The following RNF212B variants were observed in gnomAD, a reference collection of about 807,000 sequenced individuals.
The protein encoded by RNF212B is E3 ubiquitin-protein ligase RNF212B.
A neutral mutation model predicts 55.5 loss-of-function variants in RNF212B; 52 were observed. The observed-to-expected ratio is 0.94, with a 90% CI of 0.75 to 1.18. The LOEUF (loss-of-function observed/expected upper bound fraction) is 1.18, where lower values mean the gene tolerates loss of function less well. Among genes scored for constraint, RNF212B ranks in the 50% most tolerant of loss-of-function variants. RNF212B has a pLI of 0.00. For missense variants in RNF212B, 289 were observed against 350.4 expected (o/e 0.82, Z 1.40); for synonymous variants, 99 against 121.4 (o/e 0.82, Z 1.21).
At chr14:23,267,331 C>T (rs1006251997) in intron 11 of RNF212B, among the ~76,000 whole-genome samples, 3 of 151,978 alleles carry the variant, frequency 2.0e-5, no homozygotes, top group Non-Finnish European at 2.9e-5. Flanking sequence ...TCAGTTTTTG[C>T]TTCATGTATT....
intron 2 of RNF212B, among the ~76,000 whole-genome samples, chr14:23,203,560 T>C (rs1177779284): frequency 6.7e-6 from 1 of 149,734 alleles, no homozygotes; most frequent in Non-Finnish European, 1.5e-5. Context: ...CTCACTGCAA[T>C]CTCCACCTTC....
intron 1 of RNF212B, among the ~76,000 whole-genome samples, chr14:23,189,039 A>G (rs1197802438): frequency 6.6e-6 from 1 of 152,200 alleles, no homozygotes; most frequent in Non-Finnish European, 1.5e-5. Flanking sequence ...AAGACAATCA[A>G]GGTTTTGACT....
chr14:23,262,547 A>C, intron 7 of RNF212B, 118 bp from the exon 8 acceptor site: 1 of 857,470 alleles, frequency 1.2e-6, no homozygotes. Flanking sequence ...GAGAGTAAGC[A>C]ATTTGTCCTC....
intron 2 of RNF212B, among the ~76,000 whole-genome samples, chr14:23,242,095 A>AAG (rs1566423179): frequency 1.5e-5 from 2 of 130,154 alleles, no homozygotes; most frequent in African/African-American, 5.6e-5. Context: ...AAAAAAAAAA[A>AAG]AAAAAAAAAA....
chr14:23,258,412 G>A (rs1885019083), intron 4 of RNF212B, 137 bp from the exon 5 acceptor site: 1 of 420,436 alleles, frequency 2.4e-6, no homozygotes, highest in African/African-American at 2.1e-5. Context: ...GTTCTGGGAA[G>A]TTGTGAATTA....
intron 4 of RNF212B, among the ~76,000 whole-genome samples, chr14:23,245,671 T>G (rs1489022466): frequency 6.6e-6 from 1 of 152,258 alleles, no homozygotes; most frequent in Admixed American, 6.5e-5. Flanking sequence ...TCATTCAGGC[T>G]TCTGCTCAAA....
chr14:23,232,674 C>T (rs1418168908), intron 2 of RNF212B, among the ~76,000 whole-genome samples: 16 of 151,058 alleles, frequency 1.1e-4, no homozygotes, highest in East Asian at 2.0e-4. Flanking sequence ...CCAGCCGCCC[C>T]GTCTGGGAGG....
chr14:23,244,226 A>G, intron 3 of RNF212B, 96 bp from the exon 4 acceptor site: 1 of 657,026 alleles, frequency 1.5e-6, no homozygotes, highest in Non-Finnish European at 2.6e-6. Context: ...AATGTCAGGT[A>G]CATTAGAAAA....
At chr14:23,227,109 T>G (rs1018344650) in intron 2 of RNF212B, among the ~76,000 whole-genome samples, 1 of 152,106 alleles carries the variant, frequency 6.6e-6, no homozygotes, top group Non-Finnish European at 1.5e-5. Context: ...TTGTATTATA[T>G]TTATATAAGA....
intron 2 of RNF212B, among the ~76,000 whole-genome samples, chr14:23,224,892 C>T (rs775938095): frequency 6.6e-6 from 1 of 152,058 alleles, no homozygotes; most frequent in Non-Finnish European, 1.5e-5. Flanking sequence ...ATAAGGAGCT[C>T]AAACAACTCT....
At chr14:23,272,588 A>G (rs544617092) in intron 14 of RNF212B, 256 of 523,784 alleles carry the variant, frequency 4.9e-4, no homozygotes, top group Admixed American at 1.1e-3. Context: ...TTTAATTTTC[A>G]AATATTCATC....
intron 2 of RNF212B, among the ~76,000 whole-genome samples, chr14:23,194,053 G>A (rs1878391716): frequency 6.6e-6 from 1 of 152,106 alleles, no homozygotes; most frequent in African/African-American, 2.4e-5. Flanking sequence ...TGTTGGCCAG[G>A]CTGGTCTGGA....
At chr14:23,270,147 C>T (rs1038674825) in intron 13 of RNF212B, among the ~76,000 whole-genome samples, 187 bp downstream of exon 13, 1 of 152,148 alleles carries the variant, frequency 6.6e-6, no homozygotes, top group African/African-American at 2.4e-5. Context: ...TGGATTTTGC[C>T]TGGTTAGCAC....
chr14:23,210,271 T>A (rs1034468559), intron 2 of RNF212B, among the ~76,000 whole-genome samples: 1 of 152,074 alleles, frequency 6.6e-6, no homozygotes, highest in South Asian at 2.1e-4. Flanking sequence ...CTTAAAACCG[T>A]CAAGCTCATG....
chr14:23,206,261 T>C (rs1879822441), intron 2 of RNF212B, among the ~76,000 whole-genome samples: 1 of 152,104 alleles, frequency 6.6e-6, no homozygotes, highest in Non-Finnish European at 1.5e-5. Context: ...TTTTAGTAGA[T>C]ACAGGGTTTC....
intron 13 of RNF212B, 91 bp downstream of exon 13, chr14:23,270,051 T>C: frequency 1.3e-6 from 1 of 770,386 alleles, no homozygotes. Flanking sequence ...GATGTTGAGG[T>C]TTGCCCCCCA....
chr14:23,225,990 AAAAATT>A (rs1425037379), intron 2 of RNF212B, among the ~76,000 whole-genome samples: 2 of 152,132 alleles, frequency 1.3e-5, no homozygotes, highest in Admixed American at 1.3e-4. Context: ...CACAAAAATG[AAAAATT>A]TTTTAAAAAA....
chr14:23,272,950 C>T lies in RNF212B; in HGVS notation c.*59C>T, dbSNP rs370191245. The stretch of plus-strand genomic sequence containing the variant: ...GAAGGATGGACTGTAGCTTCCAGTA[C>T]GCATTAGGGGTGATGGCCCTGGAAA... On this transcript the variant is annotated 3_prime_UTR_variant, in exon 15 of 15. Transcript: ENST00000430154. 59 of 1,006,298 alleles carry T rather than the reference C, an allele frequency of 5.9e-5. No homozygotes were observed. Among genetic ancestry groups the T allele is most frequent in the East Asian group, 2.2e-4 (8 of 36,972 alleles). 62.3% of individuals were successfully genotyped at this position (1,006,298 alleles called of 1,614,324 possible).
At chr14:23,236,553 C>G (rs780943472), upstream of RNF212B, among the ~76,000 whole-genome samples, 1 of 151,840 alleles carries the variant, frequency 6.6e-6, no homozygotes, top group African/African-American at 2.4e-5. Flanking sequence ...CAAAAAAACC[C>G]CAAACAACAA....
Sources: gnomAD v4.1 joint callset for allele counts (sites outside exome capture counted in the v4.1 genomes callset) on GRCh38, gnomAD v4.1.1 for gene constraint, MANE v1.5 for transcripts, NCBI Gene and HGNC (gene_info 2026-07-23, HGNC 2026-07-21) for gene names.